Variants in SUGCT observed in about 807,000 individuals in gnomAD.
The protein encoded by SUGCT is succinyl-CoA:glutarate CoA-transferase.
In SUGCT, 41 loss-of-function variants were observed where a neutral mutation model predicts 55.0. The ratio of observed to expected loss-of-function variants is 0.74; its 90% CI spans 0.58 to 0.97. SUGCT has a LOEUF of 0.97. Among genes scored for constraint, SUGCT ranks in the 50% least tolerant of loss-of-function variants. The pLI is 0.00. For synonymous variants in SUGCT, 187 were observed against 200.4 expected (o/e 0.93, Z 0.56); for missense variants, 568 against 547.8 (o/e 1.04, Z -0.37).
intron 1 of SUGCT, among the ~76,000 whole-genome samples, chr7:40,173,036 A>G (rs1358447941): frequency 6.6e-6 from 1 of 152,214 alleles, no homozygotes; most frequent in African/African-American, 2.4e-5. Context: ...TAGAGCTCCC[A>G]TGATATGGTG....
chr7:40,497,986 T>C (rs1037435032), intron 12 of SUGCT, among the ~76,000 whole-genome samples: 2 of 152,148 alleles, frequency 1.3e-5, no homozygotes, highest in African/African-American at 4.8e-5. Flanking sequence ...AAAGTGAATA[T>C]AGGATAATTA....
intron 6 of SUGCT, among the ~76,000 whole-genome samples, chr7:40,216,498 CAA>C (rs1022915051): frequency 1.2e-4 from 6 of 50,408 alleles, no homozygotes; most frequent in Admixed American, 2.1e-4. Context: ...GACTCCGTCT[CAA>C]AAAAAAAAAA....
the SUGCT span, among the ~76,000 whole-genome samples, chr7:40,980,151 AAGAG>A: frequency 2.0e-5 from 3 of 150,648 alleles, no homozygotes; most frequent in African/African-American, 7.3e-5. Context: ...AAGAGAGAGC[AAGAG>A]AGAGAGAGAG....
chr7:40,673,548 A>G (rs1203823646), intron 12 of SUGCT, among the ~76,000 whole-genome samples: 1 of 152,014 alleles, frequency 6.6e-6, no homozygotes, highest in Non-Finnish European at 1.5e-5. Context: ...TTTTTTATTT[A>G]TTTATGAATG....
intron 7 of SUGCT, among the ~76,000 whole-genome samples, chr7:40,242,939 T>TA (rs1789546716): frequency 2.0e-5 from 1 of 49,586 alleles, no homozygotes. Context: ...ATATATTTTT[T>TA]TTTTTTTTTT....
At chr7:40,970,313 AG>A in the SUGCT span, among the ~76,000 whole-genome samples, 69 of 152,282 alleles carry the variant, frequency 4.5e-4, no homozygotes, top group Non-Finnish European at 8.8e-4. Context: ...GTGGGATTAC[AG>A]GCACTCGCCA....
intron 8 of SUGCT, among the ~76,000 whole-genome samples, chr7:40,279,425 T>A (rs1792804274): frequency 6.6e-6 from 1 of 152,134 alleles, no homozygotes; most frequent in South Asian, 2.1e-4. Flanking sequence ...ATGGCATGGT[T>A]ATTTTTTGGC....
chr7:40,848,742 G>T (rs1325438242), intron 13 of SUGCT, among the ~76,000 whole-genome samples: 1 of 152,140 alleles, frequency 6.6e-6, no homozygotes, highest in Non-Finnish European at 1.5e-5. Flanking sequence ...TTTCTGGGAC[G>T]CCTGGTCCCG....
chr7:40,607,008 AG>A (rs2151763493), intron 12 of SUGCT, among the ~76,000 whole-genome samples: 1 of 152,230 alleles, frequency 6.6e-6, no homozygotes, highest in African/African-American at 2.4e-5. Context: ...ATTAGGAGGG[AG>A]GAATGTAGAG....
intron 8 of SUGCT, among the ~76,000 whole-genome samples, chr7:40,303,574 C>G (rs925106929): frequency 3.3e-5 from 5 of 151,934 alleles, no homozygotes; most frequent in African/African-American, 9.7e-5. Flanking sequence ...ACCTTTGCCT[C>G]CCAGGTTCAA....
chr7:40,700,346 G>A (rs1279003855), intron 12 of SUGCT, among the ~76,000 whole-genome samples: 1 of 152,016 alleles, frequency 6.6e-6, no homozygotes, highest in Non-Finnish European at 1.5e-5. Context: ...GTCTGTCCAG[G>A]CCTTGCTTGC....
At chr7:40,451,673 C>T (rs764511879) in intron 10 of SUGCT, among the ~76,000 whole-genome samples, 3 of 152,154 alleles carry the variant, frequency 2.0e-5, no homozygotes, top group South Asian at 2.1e-4. Flanking sequence ...AAGCATCCTG[C>T]GTGAATGCTG....
chr7:40,541,533 T>C (rs1297460779), intron 12 of SUGCT, among the ~76,000 whole-genome samples: 1 of 152,180 alleles, frequency 6.6e-6, no homozygotes, highest in East Asian at 1.9e-4. Context: ...ATGCAATAAT[T>C]AGAAATTCCT....
At chr7:40,932,799 C>T in the SUGCT span, among the ~76,000 whole-genome samples, 3 of 150,506 alleles carry the variant, frequency 2.0e-5, no homozygotes, top group Middle Eastern at 3.2e-3. Flanking sequence ...ATCTTCCTCC[C>T]TCCCTTTATT....
At chr7:40,629,812 T>C (rs1427981084) in intron 12 of SUGCT, among the ~76,000 whole-genome samples, 2 of 152,224 alleles carry the variant, frequency 1.3e-5, no homozygotes, top group African/African-American at 4.8e-5. Context: ...TTATATTACA[T>C]GTAAAATTAC....
At chr7:40,896,880 C>T in the SUGCT span, among the ~76,000 whole-genome samples, 1 of 152,092 alleles carries the variant, frequency 6.6e-6, no homozygotes, top group South Asian at 2.1e-4. Context: ...TATGAAACCG[C>T]AAAAGTCCTC....
intron 1 of SUGCT, among the ~76,000 whole-genome samples, chr7:40,159,211 C>T (rs1266403919): frequency 2.6e-5 from 4 of 151,728 alleles, no homozygotes; most frequent in African/African-American, 4.8e-5. Flanking sequence ...TGAGCCACCA[C>T]GCCTGGCCAG....
intron 12 of SUGCT, among the ~76,000 whole-genome samples, chr7:40,685,105 C>T (rs923290835): frequency 1.3e-5 from 2 of 152,074 alleles, no homozygotes; most frequent in Admixed American, 6.6e-5. Flanking sequence ...GGTCCACCTG[C>T]CTTGGCCTCC....
intron 11 of SUGCT, among the ~76,000 whole-genome samples, chr7:40,494,382 G>T (rs1385721942): frequency 1.3e-5 from 2 of 152,116 alleles, no homozygotes; most frequent in African/African-American, 4.8e-5. Context: ...TATATTTTAG[G>T]AGGCCTTGGC....
Sources: gnomAD v4.1 joint callset for allele counts (sites outside exome capture counted in the v4.1 genomes callset) on GRCh38, gnomAD v4.1.1 for gene constraint, MANE v1.5 for transcripts, NCBI Gene and HGNC (gene_info 2026-07-23, HGNC 2026-07-21) for gene names.